BMP1: variants seen among roughly 807,000 people sequenced by gnomAD.
BMP1 encodes bone morphogenetic protein 1.
A neutral mutation model predicts 116.8 loss-of-function variants in BMP1; 63 were observed. That is an observed-to-expected ratio of 0.54 (90% CI 0.44 to 0.67). The LOEUF (loss-of-function observed/expected upper bound fraction) is 0.67. BMP1 is among the 30% of genes least tolerant of loss of function. The pLI, the probability that BMP1 is intolerant of heterozygous loss-of-function variation, is 0.00. For missense variants in BMP1, 1,183 were observed against 1,358.9 expected (o/e 0.87, Z 2.04); for synonymous variants, 536 against 533.4 (o/e 1.00, Z -0.07).
chr8:22,181,480 C>T (rs541802318), intron 8 of BMP1, among the ~76,000 whole-genome samples: 1 of 152,190 alleles, frequency 6.6e-6, no homozygotes, highest in South Asian at 2.1e-4. Context: ...GTTGATTAGC[C>T]CTGTTTGAAT....
intron 9 of BMP1, 24 bp downstream of exon 9, chr8:22,192,175 C>T: frequency 1.3e-6 from 2 of 1,587,962 alleles, no homozygotes; most frequent in Non-Finnish European, 1.7e-6. Flanking sequence ...CCACCCCCTG[C>T]CCCCTCCATG....
chr8:22,202,563 C>G (rs1002288472), intron 16 of BMP1, among the ~76,000 whole-genome samples: 14 of 152,208 alleles, frequency 9.2e-5, no homozygotes, highest in African/African-American at 3.4e-4. Context: ...AAAAATAGCT[C>G]TAGGCCGGGC....
chr8:22,210,367 C>CTTTTTTT (rs1198888155), intron 19 of BMP1, among the ~76,000 whole-genome samples: 1 of 118,406 alleles, frequency 8.4e-6, no homozygotes, highest in Non-Finnish European at 1.7e-5. Flanking sequence ...GCCTCTTCTT[C>CTTTTTTT]TTTTTTTTTT....
chr8:22,201,251 G>T, intron 15 of BMP1: 1 of 1,583,606 alleles, frequency 6.3e-7, no homozygotes, highest in Non-Finnish European at 8.6e-7. Flanking sequence ...ACCTCACCTT[G>T]GACGGAATGG....
Position 22,196,735 on chromosome 8 carries a change from GC to G in BMP1, c.1824del (p.Lys609ArgfsTer143). The G allele has an allele frequency of 6.2e-7, 1 of 1,614,076 alleles. No individual in the cohort carries two copies. Among genetic ancestry groups the G allele is most frequent in the Non-Finnish European group, 8.5e-7 (1 of 1,180,010 alleles). On this transcript the variant is annotated frameshift_variant, in exon 14 of 20. Transcript: ENST00000306385. LOFTEE classifies it high-confidence loss of function. The stretch of plus-strand genomic sequence containing the variant: ...ACGGCTCCATCACCAGCCCGGGCTG[GC>G]CCAAGGAGTACCCCCCCAACAAGAA... ...LNGSITSPGWPKEYPPNKNCI... is the reference protein window; with the variant it reads ...LNGSITSPGWXKEYPPNKNCI...
chr8:22,183,858 G>T (rs561382905), intron 8 of BMP1, among the ~76,000 whole-genome samples: 208 of 152,244 alleles, frequency 1.4e-3, no homozygotes, highest in African/African-American at 4.7e-3. Context: ...TTACAGACGT[G>T]AGCCGCCGCG....
chr8:22,195,550 C>G lies in BMP1; in HGVS notation c.1728C>G (p.Pro576=). The stretch of plus-strand genomic sequence containing the variant: ...GCAGCTACAAGTGCAGCTGTGACCC[C>G]GGGTACGAGCTGGCCCCAGACAAGC... ...TLGSYKCSCD[P]GYELAPDKRR... Residue 576 remains proline, a synonymous_variant, in exon 13 of 20, where the codon CCC becomes CCG. Coordinates refer to ENST00000306385, the MANE Select transcript of BMP1 (RefSeq NM_006129.5). 6.2e-7 allele frequency: 1 copy of G among 1,612,482 alleles called. No individual in the cohort carries two copies. Among genetic ancestry groups the G allele is most frequent in the Non-Finnish European group, 8.5e-7 (1 of 1,179,742 alleles).
Position 22,194,738 on chromosome 8 carries a change from C to T in BMP1, c.1458C>T (p.Asp486=), listed in dbSNP as rs765396712. ...TFQSFEIERH[D]SCAYDYLEVR... ...TCGACCCCTAGATTGAGCGCCACGA[C>T]AGCTGTGCCTACGACTATCTGGAGG... The change falls in exon 12 of 20, where the codon GAC becomes GAT. Residue 486 remains aspartate, a synonymous_variant. Coordinates refer to ENST00000306385, the MANE Select transcript of BMP1 (RefSeq NM_006129.5). This position sits in a 1 kb window ranked among gnomAD's most constrained non-coding sequence, Gnocchi z 4.5. 6.2e-7 allele frequency: 1 copy of T among 1,606,846 alleles called. No individual in the cohort carries two copies. Among genetic ancestry groups the T allele is most frequent in the Non-Finnish European group, 8.5e-7 (1 of 1,175,880 alleles).
At chr8:22,177,789 C>A in intron 5 of BMP1, 63 bp from the exon 6 acceptor site, 1 of 1,212,354 alleles carries the variant, frequency 8.2e-7, no homozygotes, top group Non-Finnish European at 1.2e-6. Flanking sequence ...GGAAAGTGAG[C>A]GTTGCATCCC....
intron 19 of BMP1, among the ~76,000 whole-genome samples, chr8:22,210,411 G>C (rs1240928388): frequency 1.4e-5 from 2 of 139,528 alleles, no homozygotes; most frequent in Non-Finnish European, 3.0e-5. Context: ...GCTTCAAAGA[G>C]ACAGACTGTC....
chr8:22,186,610 G>A (rs1828777826), intron 8 of BMP1, among the ~76,000 whole-genome samples: 1 of 152,154 alleles, frequency 6.6e-6, no homozygotes, highest in Admixed American at 6.5e-5. Flanking sequence ...GGGACTATAG[G>A]CACGTGCCAC....
intron 15 of BMP1, among the ~76,000 whole-genome samples, chr8:22,200,462 TATTCTTTGTATGC>T (rs1829226226): frequency 6.6e-6 from 1 of 152,148 alleles, no homozygotes; most frequent in Non-Finnish European, 1.5e-5. Flanking sequence ...GCAGAGTGTG[TATTCTTTGTATGC>T]ACCTGTACAC....
At chr8:22,185,555 G>A (rs188530554) in intron 8 of BMP1, among the ~76,000 whole-genome samples, 201 of 152,264 alleles carry the variant, frequency 1.3e-3, no homozygotes, top group African/African-American at 4.5e-3. Context: ...AACTTTTGGA[G>A]CTGGCAATAT....
chr8:22,207,254 C>T, intron 17 of BMP1, 49 bp from the exon 18 acceptor site: 1 of 1,580,790 alleles, frequency 6.3e-7, no homozygotes, highest in Non-Finnish European at 8.7e-7. Flanking sequence ...CTTGCCCCAC[C>T]TGCCTTCCAG....
chr8:22,183,591 AATTATT>A (rs10687529), intron 8 of BMP1, among the ~76,000 whole-genome samples: 3,371 of 146,966 alleles, frequency 0.023, 73 homozygotes, highest in African/African-American at 0.056. Flanking sequence ...GTATGTGTTA[AATTATT>A]ATTATTATTA....
intron 7 of BMP1, among the ~76,000 whole-genome samples, chr8:22,180,101 G>C (rs532517654): frequency 1.3e-5 from 2 of 152,084 alleles, no homozygotes; most frequent in African/African-American, 4.8e-5. Context: ...GAGGTGGCAC[G>C]GAGCCCCACC....
chr8:22,174,868 A>G (rs1828388335), intron 2 of BMP1, among the ~76,000 whole-genome samples: 4 of 152,004 alleles, frequency 2.6e-5, no homozygotes, highest in Non-Finnish European at 5.9e-5. Flanking sequence ...TCCTGGCCTC[A>G]AGCGAACTAT....
At chr8:22,180,634 G>A (rs1418280604) in intron 8 of BMP1, 151 bp downstream of exon 8, 3 of 639,490 alleles carry the variant, frequency 4.7e-6, no homozygotes, top group South Asian at 1.9e-5. Context: ...GAGCACGGCT[G>A]TAGGAAGGGG....
chr8:22,204,222 T>A (rs1829312286), intron 16 of BMP1, among the ~76,000 whole-genome samples: 1 of 152,012 alleles, frequency 6.6e-6, no homozygotes, highest in South Asian at 2.1e-4. Context: ...AACCCACCGA[T>A]GGGTAATGGT....
Sources: gnomAD v4.1 joint callset for allele counts (sites outside exome capture counted in the v4.1 genomes callset) on GRCh38, gnomAD v4.1.1 for gene constraint, Gnocchi (gnomAD v3.1) non-coding constraint, MANE v1.5 for transcripts, NCBI Gene and HGNC (gene_info 2026-07-23, HGNC 2026-07-21) for gene names.